Variants in S100A8 observed in about 807,000 individuals in gnomAD.
S100A8 encodes S100 calcium binding protein A8, also known as protein S100-A8.
In S100A8, 1 loss-of-function variant was observed where a neutral mutation model predicts 4.2. The ratio of observed to expected loss-of-function variants is 0.24; its 90% confidence interval spans 0.08 to 1.12. S100A8 has a LOEUF of 1.12. Ranked by LOEUF, S100A8 falls within the 50% of genes most tolerant of loss-of-function variation. S100A8 has a pLI of 0.53. For synonymous variants in S100A8, 41 were observed against 44.7 expected, an observed-to-expected ratio of 0.92 and a Z score of 0.33; for missense variants, 96 against 111.8, an observed-to-expected ratio of 0.86 and a Z score of 0.64.
chr1:153,403,805 A>G, the S100A8 span, among the ~76,000 whole-genome samples: 18 of 152,134 alleles, frequency 1.2e-4, no homozygotes, highest in Admixed American at 6.5e-4. Flanking sequence ...AAATCCCCAC[A>G]CCAACCAATT....
chr1:153,418,145 C>T, the S100A8 span: 69 of 1,613,916 alleles, frequency 4.3e-5, no homozygotes, highest in Non-Finnish European at 5.2e-5. Context: ...ACAAATACAC[C>T]GGACGTGATG....
the S100A8 span, among the ~76,000 whole-genome samples, chr1:153,403,015 T>C: frequency 1.1e-4 from 16 of 152,322 alleles, no homozygotes; most frequent in Middle Eastern, 3.4e-3. Flanking sequence ...GCACAAGCTT[T>C]TCAATACATT....
the S100A8 span, chr1:153,420,967 C>G: frequency 6.6e-6 from 1 of 152,592 alleles, no homozygotes; most frequent in Admixed American, 6.5e-5. Flanking sequence ...CCTCTCTCCT[C>G]CACCGGGACT....
the S100A8 span, among the ~76,000 whole-genome samples, chr1:153,403,399 G>A: frequency 2.0e-5 from 3 of 152,186 alleles, no homozygotes; most frequent in Admixed American, 6.5e-5. Flanking sequence ...GACTGTGAAT[G>A]TGAAGGCTGA....
chr1:153,418,296 T>A, the S100A8 span: 9 of 1,589,544 alleles, frequency 5.7e-6, no homozygotes, highest in East Asian at 2.0e-4. Flanking sequence ...CTATGTGGCC[T>A]TGGACAGGTC....
chr1:153,417,925 C>T, the S100A8 span: 16 of 990,336 alleles, frequency 1.6e-5, no homozygotes, highest in Non-Finnish European at 1.7e-5. Context: ...ACAACTTATC[C>T]CATCACATTT....
chr1:153,397,058 G>A, the S100A8 span, among the ~76,000 whole-genome samples: 1 of 152,254 alleles, frequency 6.6e-6, no homozygotes, highest in Non-Finnish European at 1.5e-5. Context: ...CAGTGCCCGA[G>A]AAGCACTAGC....
chr1:153,418,311 T>C, the S100A8 span: 3 of 1,530,604 alleles, frequency 2.0e-6, no homozygotes, highest in Admixed American at 5.8e-5. Flanking sequence ...CAGGTCACCC[T>C]CATCCTCTGA....
the S100A8 span, among the ~76,000 whole-genome samples, chr1:153,408,719 G>A: frequency 6.6e-6 from 1 of 152,192 alleles, no homozygotes; most frequent in African/African-American, 2.4e-5. Flanking sequence ...CTTAAGGGCA[G>A]CCAGAGAGAA....
At chr1:153,415,036 C>G in the S100A8 span, among the ~76,000 whole-genome samples, 2 of 152,160 alleles carry the variant, frequency 1.3e-5, no homozygotes, top group Non-Finnish European at 2.9e-5. Flanking sequence ...GTTTGACTTT[C>G]TTTTTCTGAG....
At chr1:153,402,474 G>C in the S100A8 span, among the ~76,000 whole-genome samples, 16 of 152,292 alleles carry the variant, frequency 1.1e-4, no homozygotes, top group Admixed American at 7.8e-4. Context: ...TCAGGTAGGA[G>C]CCAGCCTGGG....
At chr1:153,421,277 A>T in the S100A8 span, 1 of 151,932 alleles carries the variant, frequency 6.6e-6, no homozygotes, top group Non-Finnish European at 1.5e-5. Context: ...CCATCCCTTC[A>T]CCCCAAAGAA....
At chr1:153,421,646 G>A in the S100A8 span, 1 of 152,138 alleles carries the variant, frequency 6.6e-6, no homozygotes, top group African/African-American at 2.4e-5. Context: ...AAAGGATAAG[G>A]CAAATGACTG....
chr1:153,406,442 A>T, the S100A8 span, among the ~76,000 whole-genome samples: 1 of 151,620 alleles, frequency 6.6e-6, no homozygotes, highest in East Asian at 1.9e-4. Flanking sequence ...CTCTCTCACC[A>T]CCCAGTGCCT....
the S100A8 span, chr1:153,422,460 G>A: frequency 5.3e-6 from 5 of 937,980 alleles, no homozygotes; most frequent in Non-Finnish European, 6.4e-6. Context: ...AATAGCTACT[G>A]GACATTATAT....
At chr1:153,408,708 T>C in the S100A8 span, among the ~76,000 whole-genome samples, 2 of 151,904 alleles carry the variant, frequency 1.3e-5, no homozygotes, top group African/African-American at 4.8e-5. Flanking sequence ...AAGGAAAAAA[T>C]CTTAAGGGCA....
At chr1:153,406,348 G>T in the S100A8 span, among the ~76,000 whole-genome samples, 342 of 151,832 alleles carry the variant, frequency 2.3e-3, 1 homozygote, top group African/African-American at 7.5e-3. Flanking sequence ...GGGGATGATG[G>T]CTCTGCCTGG....
chr1:153,405,246 G>A, the S100A8 span, among the ~76,000 whole-genome samples: 1 of 151,764 alleles, frequency 6.6e-6, no homozygotes, highest in Non-Finnish European at 1.5e-5. Flanking sequence ...AGCACTGTCT[G>A]TGTATGCGGC....
the S100A8 span, chr1:153,417,297 A>C: frequency 6.6e-6 from 1 of 152,334 alleles, no homozygotes; most frequent in South Asian, 2.1e-4. Flanking sequence ...TTTTTATTTA[A>C]ACAGGGTCAA....
Sources: allele counts gnomAD v4.1 joint callset (sites outside exome capture counted in the v4.1 genomes callset), GRCh38; gene constraint gnomAD v4.1.1; transcripts MANE v1.5; gene names NCBI Gene and HGNC (gene_info 2026-07-23, HGNC 2026-07-21).